NAV3: variants seen among roughly 807,000 people sequenced by gnomAD.
NAV3 encodes pore membrane and/or filament interacting like protein 1.
In NAV3, 87 loss-of-function variants were observed where a neutral mutation model predicts 244.7. That is an observed-to-expected ratio of 0.36 (90% CI 0.30 to 0.42). The LOEUF (loss-of-function observed/expected upper bound fraction) is 0.42, where lower values mean the gene tolerates loss of function less well. Ranked by LOEUF, NAV3 falls within the 20% of genes least tolerant of loss-of-function variation. NAV3 has a pLI of 1.00. For synonymous variants in NAV3, 1,126 were observed against 1,042.2 expected, an observed-to-expected ratio of 1.08 and a Z score of -1.55; for missense variants, 2,663 against 2,893.3, an observed-to-expected ratio of 0.92 and a Z score of 1.83.
intron 2 of NAV3, among the ~76,000 whole-genome samples, chr12:77,800,285 TG>T (rs768346067): frequency 1.3e-5 from 2 of 152,180 alleles, no homozygotes; most frequent in Non-Finnish European, 2.9e-5. Context: ...GTGTTCCTAA[TG>T]CAGAAATGGA....
chr12:77,582,438 A>C (rs949145478), intron 2 of NAV3, among the ~76,000 whole-genome samples: 2 of 152,226 alleles, frequency 1.3e-5, no homozygotes, highest in Non-Finnish European at 2.9e-5. Context: ...CGGTTTGATC[A>C]TATTACACTT....
At chr12:78,199,069 A>T in intron 36 of NAV3, 1 of 585,534 alleles carries the variant, frequency 1.7e-6, no homozygotes, top group Admixed American at 2.2e-5. Flanking sequence ...CCTACAGAAG[A>T]GTGATCAGCA....
At chr12:77,952,245 A>G (rs982356620) in intron 3 of NAV3, among the ~76,000 whole-genome samples, 4 of 152,090 alleles carry the variant, frequency 2.6e-5, no homozygotes, top group Non-Finnish European at 5.9e-5. Context: ...AGTCCAGCTT[A>G]TCAATTATTT....
chr12:77,749,122 T>C (rs184979643), intron 2 of NAV3, among the ~76,000 whole-genome samples: 100 of 152,280 alleles, frequency 6.6e-4, no homozygotes, highest in Middle Eastern at 3.4e-3. Context: ...TGAGAAAGAT[T>C]CTCCCACCTT....
chr12:77,801,052 T>G (rs982082005), intron 2 of NAV3, among the ~76,000 whole-genome samples: 16 of 152,110 alleles, frequency 1.1e-4, no homozygotes, highest in Admixed American at 7.2e-4. Flanking sequence ...GTCTAAAAAA[T>G]TATTTTCTAA....
chr12:78,207,183 T>C (rs1438975178), intron 39 of NAV3, among the ~76,000 whole-genome samples: 1 of 152,166 alleles, frequency 6.6e-6, no homozygotes, highest in Non-Finnish European at 1.5e-5. Context: ...ATCCACTATT[T>C]AGTGTCAAGA....
chr12:77,949,484 A>AT (rs944251604), intron 3 of NAV3, among the ~76,000 whole-genome samples: 1 of 151,794 alleles, frequency 6.6e-6, no homozygotes, highest in Non-Finnish European at 1.5e-5. Context: ...ATCTTCCGCT[A>AT]TTTTTTTCCT....
chr12:78,073,593 C>T (rs912948617), intron 12 of NAV3, among the ~76,000 whole-genome samples: 13 of 151,962 alleles, frequency 8.6e-5, no homozygotes, highest in African/African-American at 2.4e-4. Flanking sequence ...GAATCAATAT[C>T]GTGAAAATGG....
chr12:78,058,066 A>C (rs902295832), intron 11 of NAV3, among the ~76,000 whole-genome samples: 1 of 152,208 alleles, frequency 6.6e-6, no homozygotes, highest in African/African-American at 2.4e-5. Flanking sequence ...GGTGAGGATC[A>C]CTTTAGATTC....
chr12:78,000,801 C>T (rs1430129328), intron 7 of NAV3, among the ~76,000 whole-genome samples: 1 of 151,108 alleles, frequency 6.6e-6, no homozygotes, highest in African/African-American at 2.4e-5. Flanking sequence ...CCGCGCCCGG[C>T]CAAAACATTT....
At chr12:77,859,403 A>G (rs887363671) in intron 1 of NAV3, among the ~76,000 whole-genome samples, 7 of 152,024 alleles carry the variant, frequency 4.6e-5, no homozygotes, top group Admixed American at 1.3e-4. Context: ...AGAGAAATAT[A>G]TAGTCCTTTG....
chr12:78,168,174 G>A (rs544544660), intron 23 of NAV3, among the ~76,000 whole-genome samples: 16 of 151,738 alleles, frequency 1.1e-4, no homozygotes, highest in African/African-American at 3.6e-4. Flanking sequence ...GAATGAAAAA[G>A]TATCAGAATG....
intron 9 of NAV3, among the ~76,000 whole-genome samples, chr12:78,042,356 A>G (rs1050418929): frequency 1.3e-5 from 2 of 152,260 alleles, no homozygotes; most frequent in Non-Finnish European, 2.9e-5. Flanking sequence ...TTTTGGGTTT[A>G]GATGCCTAGG....
intron 2 of NAV3, among the ~76,000 whole-genome samples, chr12:77,695,612 T>C (rs1194305332): frequency 2.0e-5 from 3 of 152,174 alleles, no homozygotes; most frequent in Admixed American, 1.3e-4. Context: ...TTCACCTGTA[T>C]GGTACAAAAT....
At position 77,622,449 on chromosome 12, in the gene NAV3, G is replaced by A. The variant is rs528146437; in HGVS notation, c.72+50183G>A. ...GCTGGGATTACAGGCTTGAGACACC[G>A]CACCCGGCCCCCAAGCTGTCTGGTT... On this transcript the variant is annotated intron_variant, in intron 2 of 8. Coordinates refer to the NAV3 transcript ENST00000550042. Among the ~76,000 whole-genome samples the A allele has an allele frequency of 2.4e-4, 37 of 151,222 alleles. No individual in the cohort carries two copies. The South Asian group carries it at 3.1e-3, about 13-fold the overall frequency.
chr12:77,679,849 T>G (rs1327216015), intron 2 of NAV3, among the ~76,000 whole-genome samples: 3 of 152,108 alleles, frequency 2.0e-5, no homozygotes, highest in Non-Finnish European at 4.4e-5. Flanking sequence ...CCCATAATCT[T>G]GGATGACTCA....
At chr12:77,960,930 TTA>T (rs1891860402) in intron 3 of NAV3, among the ~76,000 whole-genome samples, 1 of 146,948 alleles carries the variant, frequency 6.8e-6, no homozygotes, top group South Asian at 2.2e-4. Flanking sequence ...GTTTAATATA[TTA>T]TGTGTATACA....
At position 78,007,253 on chromosome 12, in the gene NAV3, A is replaced by C. The variant is rs763630552; in HGVS notation, c.1715A>C (p.Glu572Ala). 5 of 1,614,078 alleles carry C rather than the reference A, an allele frequency of 3.1e-6. No homozygotes were observed. Among genetic ancestry groups the C allele is most frequent in the African/African-American group, 1.3e-5 (1 of 74,940 alleles). ...TCCTTATCTAAGCCTATAACCATGG[A>C]GAAAGCAAGTGCTTCTAGTTGTCCT... The part of the protein sequence containing the change: ...SQSLSKPITM[E>A]KASASSCPAP... Residue 572 changes from glutamate to alanine, a missense_variant, in exon 8 of 40, where the codon GAG becomes GCG. Physicochemically the swap from Glu to Ala is moderately radical, Grantham distance 107. Transcript: ENST00000397909.
intron 2 of NAV3, chr12:77,572,416 G>A (rs773896890): frequency 7.2e-5 from 11 of 152,176 alleles, no homozygotes; most frequent in African/African-American, 2.7e-4. Context: ...TGTGGGTCTG[G>A]ATTTCATTAC....
Sources: gnomAD v4.1 joint callset for allele counts (sites outside exome capture counted in the v4.1 genomes callset) on GRCh38, gnomAD v4.1.1 for gene constraint, MANE v1.5 for transcripts, NCBI Gene and HGNC (gene_info 2026-07-23, HGNC 2026-07-21) for gene names.